Variants in MND1 observed in about 807,000 individuals in gnomAD.
MND1 encodes meiotic nuclear division protein 1 homolog.
Under a neutral mutation model 35.1 loss-of-function variants are expected in MND1, and 28 were observed. The observed-to-expected ratio is 0.80, with a 90% CI of 0.59 to 1.09. MND1 has a LOEUF of 1.09. Among genes scored for constraint, MND1 ranks in the 50% least tolerant of loss-of-function variants. MND1 has a pLI of 0.00. For synonymous variants in MND1, 69 were observed against 70.5 expected, an observed-to-expected ratio of 0.98 and a Z score of 0.11; for missense variants, 213 against 239.6, an observed-to-expected ratio of 0.89 and a Z score of 0.73.
chr4:153,403,970 T>A (rs1729414143), intron 6 of MND1, among the ~76,000 whole-genome samples: 1 of 152,036 alleles, frequency 6.6e-6, no homozygotes, highest in African/African-American at 2.4e-5. Flanking sequence ...TTACTCAGGC[T>A]AACATTATTT....
At chr4:153,355,935 T>A (rs962440934) in intron 3 of MND1, 4 of 392,524 alleles carry the variant, frequency 1.0e-5, no homozygotes, top group Non-Finnish European at 1.8e-5. Flanking sequence ...TGAATATATA[T>A]CCCTGTCATT....
At chr4:153,353,053 G>T (rs570014691) in intron 2 of MND1, among the ~76,000 whole-genome samples, 1 of 152,022 alleles carries the variant, frequency 6.6e-6, no homozygotes, top group African/African-American at 2.4e-5. Flanking sequence ...AGTGGTTCAT[G>T]TTCTTTTTCT....
chr4:153,404,908 T>A (rs1210068939), intron 6 of MND1, among the ~76,000 whole-genome samples: 1 of 152,052 alleles, frequency 6.6e-6, no homozygotes, highest in Non-Finnish European at 1.5e-5. Context: ...TTTTTTATTA[T>A]CTTTTTTGTA....
chr4:153,398,690 G>A (rs1729266151), intron 6 of MND1, among the ~76,000 whole-genome samples: 1 of 152,200 alleles, frequency 6.6e-6, no homozygotes, highest in Non-Finnish European at 1.5e-5. Flanking sequence ...TGGGGAGAAT[G>A]TCAGCTCTTT....
At chr4:153,379,289 CA>C (rs35306831) in intron 4 of MND1, among the ~76,000 whole-genome samples, 26,243 of 74,264 alleles carry the variant, frequency 0.35, 1,662 homozygotes, top group African/African-American at 0.44. Flanking sequence ...GACTCTGTCT[CA>C]AAAAAAAAAA....
At chr4:153,357,624 C>G (rs1407292406) in intron 3 of MND1, among the ~76,000 whole-genome samples, 2 of 152,106 alleles carry the variant, frequency 1.3e-5, no homozygotes, top group East Asian at 3.8e-4. Flanking sequence ...TGGACCCATG[C>G]AGTTCAAACC....
intron 4 of MND1, among the ~76,000 whole-genome samples, chr4:153,381,423 TC>T (rs1185597482): frequency 6.7e-6 from 1 of 150,320 alleles, no homozygotes; most frequent in Non-Finnish European, 1.5e-5. Context: ...AAAAATATAC[TC>T]CCCCCAAATC....
intron 2 of MND1, among the ~76,000 whole-genome samples, chr4:153,350,845 C>G (rs1282014887): frequency 6.6e-6 from 1 of 150,988 alleles, no homozygotes; most frequent in Non-Finnish European, 1.5e-5. Flanking sequence ...TGGCCCCAGT[C>G]TACTGGCTAT....
intron 4 of MND1, among the ~76,000 whole-genome samples, chr4:153,362,021 G>C (rs1324335713): frequency 6.6e-6 from 1 of 151,786 alleles, no homozygotes; most frequent in Non-Finnish European, 1.5e-5. Flanking sequence ...AATTTTCTCA[G>C]CTCTCTTTCA....
At chr4:153,376,301 G>A (rs546997853) in intron 4 of MND1, among the ~76,000 whole-genome samples, 1 of 152,208 alleles carries the variant, frequency 6.6e-6, no homozygotes, top group Admixed American at 6.5e-5. Context: ...GTGGGTGTGT[G>A]CACACACACA....
At chr4:153,370,543 G>A (rs1413181896) in intron 4 of MND1, among the ~76,000 whole-genome samples, 5 of 151,836 alleles carry the variant, frequency 3.3e-5, no homozygotes. Flanking sequence ...TTTTTGAGAT[G>A]GAGTCTCACT....
At chr4:153,354,818 T>A (rs1773301042) in intron 2 of MND1, among the ~76,000 whole-genome samples, 1 of 152,172 alleles carries the variant, frequency 6.6e-6, no homozygotes, top group Admixed American at 6.5e-5. Flanking sequence ...GTTTTTATAC[T>A]TAAGTGGGAA....
At position 153,374,325 on chromosome 4, in the gene MND1, C is replaced by G. The variant is rs1728434265; in HGVS notation, c.276+15703C>G. On this transcript the variant is annotated intron_variant, in intron 4 of 7. Coordinates refer to ENST00000240488, the MANE Select transcript of MND1 (RefSeq NM_032117.4). The stretch of plus-strand genomic sequence containing the variant: ...GAAGGTAGTTCATAAAAGTAGAGGT[C>G]AGGGTCCAGACTTCATAAGAAGGAA... Among the ~76,000 whole-genome samples, 4 of 152,160 alleles carry G rather than the reference C, an allele frequency of 2.6e-5. No individual in the cohort carries two copies. In the South Asian group the frequency reaches 6.2e-4, roughly 24 times the overall value.
At chr4:153,398,960 C>G (rs540602225) in intron 6 of MND1, among the ~76,000 whole-genome samples, 1 of 152,294 alleles carries the variant, frequency 6.6e-6, no homozygotes, top group Non-Finnish European at 1.5e-5. Context: ...TGTACCTTAT[C>G]TAGAGCACCT....
intron 6 of MND1, among the ~76,000 whole-genome samples, chr4:153,400,082 T>G (rs1729307768): frequency 6.6e-6 from 1 of 151,780 alleles, no homozygotes; most frequent in East Asian, 1.9e-4. Flanking sequence ...ACTTTTACTT[T>G]TATTTTTTAT....
chr4:153,408,914 A>ATATATATATATAAAAATACATTTCATTT, intron 6 of MND1, 57 bp from the exon 7 acceptor site: 1 of 228,870 alleles, frequency 4.4e-6, no homozygotes, highest in Non-Finnish European at 6.8e-6. Context: ...TTTTGTGTGT[A>ATATATATATATAAAAATACATTTCATTT]TATATATATA....
At chr4:153,380,354 C>G (rs1230514740) in intron 4 of MND1, among the ~76,000 whole-genome samples, 13 of 152,050 alleles carry the variant, frequency 8.5e-5, no homozygotes, top group Non-Finnish European at 4.4e-5. Context: ...GTAGTTACTG[C>G]AGCTACTGTG....
chr4:153,397,247 T>C lies in MND1; in HGVS notation c.380T>C (p.Leu127Pro). ...GAGCGAACCAGGCTAGCAAAAGAGC[T>C]TTCTTCACTTCGAGACCAAAGGGAA... Reference protein sequence around the residue: ...TEERTRLAKELSSLRDQREQL... With the variant: ...TEERTRLAKEPSSLRDQREQL... The change falls in exon 6 of 8, where the codon CTT (leucine) becomes CCT (proline). Residue 127 changes from leucine to proline, a missense_variant. Transcript: ENST00000240488. 1 of 1,612,498 alleles carries C rather than the reference T, an allele frequency of 6.2e-7. No homozygotes were observed. The highest frequency in any genetic ancestry group is 8.5e-7 in the Non-Finnish European group (1 of 1,179,174).
At chr4:153,402,645 A>G (rs1044127263) in intron 6 of MND1, among the ~76,000 whole-genome samples, 9 of 152,192 alleles carry the variant, frequency 5.9e-5, no homozygotes, top group African/African-American at 2.2e-4. Flanking sequence ...AAGAGCCTTG[A>G]TCCCAAAGAA....
Sources: allele counts gnomAD v4.1 joint callset (sites outside exome capture counted in the v4.1 genomes callset), GRCh38; gene constraint gnomAD v4.1.1; transcripts MANE v1.5; gene names NCBI Gene and HGNC (gene_info 2026-07-23, HGNC 2026-07-21).